DOP1B: variants seen among roughly 807,000 people sequenced by gnomAD.
The protein encoded by DOP1B is DOP1 leucine zipper like protein B.
In DOP1B, 174 loss-of-function variants were observed where a neutral mutation model predicts 233.5. That is an observed-to-expected ratio of 0.75 (90% CI 0.66 to 0.85). The LOEUF (loss-of-function observed/expected upper bound fraction) is 0.85. Ranked by LOEUF, DOP1B falls within the 40% of genes least tolerant of loss-of-function variation. The pLI is 0.00. For missense variants in DOP1B, 2,652 were observed against 2,846.6 expected (o/e 0.93, Z 1.56); for synonymous variants, 1,190 against 1,185.6 (o/e 1.00, Z -0.08).
rs144780107 is a variant in DOP1B, at chr21:36,246,182, G to T, written c.4202G>T (p.Arg1401Leu). 3.6e-5 allele frequency: 58 copies of T among 1,613,668 alleles called. No homozygotes were observed. The African/African-American group carries it at 6.7e-4, about 19-fold the overall frequency. ...GCGTCCATGTACACGAGCCAGAAGC[G>T]CTACGGGCTGGCCACCGCCCACCAC... ...LSASMYTSQK[R>L]YGLATAHHGR... The change falls in exon 19 of 37, where the codon CGC (arginine) becomes CTC (leucine). Residue 1401 changes from arginine to leucine, a missense_variant. Physicochemically the swap from Arg to Leu is moderately radical, Grantham distance 102. Around this residue, in one of 3 missense-constraint regions of DOP1B, gnomAD observed 2,617 missense variants for 2,794.3 expected, o/e 0.94. Coordinates refer to ENST00000691173, the MANE Select transcript of DOP1B (RefSeq NM_001320714.2). The surrounding 1 kb of genome is among the most constrained non-coding windows in gnomAD (Gnocchi z 5.1).
intron 1 of DOP1B, among the ~76,000 whole-genome samples, chr21:36,159,016 C>T (rs868393410): frequency 3.3e-5 from 5 of 151,744 alleles, no homozygotes; most frequent in Non-Finnish European, 5.9e-5. Flanking sequence ...CCTGTAATCC[C>T]AGCTACTCGG....
intron 9 of DOP1B, among the ~76,000 whole-genome samples, chr21:36,214,834 G>A (rs1353794941): frequency 6.6e-6 from 1 of 152,098 alleles, no homozygotes; most frequent in Admixed American, 6.6e-5. Flanking sequence ...AAACCAGCCT[G>A]GGTAATATGG....
chr21:36,228,635 G>A (rs1002766550), intron 13 of DOP1B, among the ~76,000 whole-genome samples: 4 of 149,802 alleles, frequency 2.7e-5, no homozygotes, highest in Admixed American at 2.0e-4. Context: ...GTGCAGTGGC[G>A]GGCGCCTGTA....
chr21:36,226,441 G>A (rs1333925145), intron 12 of DOP1B, among the ~76,000 whole-genome samples: 1 of 151,626 alleles, frequency 6.6e-6, no homozygotes, highest in African/African-American at 2.4e-5. Context: ...GGGATTACAG[G>A]CACCTGCCAC....
At chr21:36,205,555 A>G (rs184275348) in intron 4 of DOP1B, among the ~76,000 whole-genome samples, 1 of 151,716 alleles carries the variant, frequency 6.6e-6, no homozygotes, top group African/African-American at 2.4e-5. Flanking sequence ...TGCCCAGCTA[A>G]TTTTGTATTT....
intron 7 of DOP1B, among the ~76,000 whole-genome samples, chr21:36,213,343 C>T (rs1036476063): frequency 2.6e-5 from 4 of 152,082 alleles, no homozygotes; most frequent in Non-Finnish European, 4.4e-5. Context: ...TTACTTGCGG[C>T]CCCAGGAGCC....
At chr21:36,219,517 C>G in intron 10 of DOP1B, 25 bp downstream of exon 10, 1 of 1,610,860 alleles carries the variant, frequency 6.2e-7, no homozygotes, top group Non-Finnish European at 8.5e-7. Context: ...TTGAACCTCA[C>G]GCATCTCTCT....
chr21:36,178,304 A>G (rs2066054498), intron 2 of DOP1B, among the ~76,000 whole-genome samples: 1 of 152,200 alleles, frequency 6.6e-6, no homozygotes, highest in Non-Finnish European at 1.5e-5. Context: ...CAGCCTGGAC[A>G]ACATGGGGAA....
intron 31 of DOP1B, 90 bp from the exon 32 acceptor site, chr21:36,281,393 G>A (rs1015107614): frequency 5.2e-6 from 7 of 1,347,836 alleles, no homozygotes; most frequent in Non-Finnish European, 6.0e-6. Context: ...TTTCACCAGG[G>A]AATATAGAAT....
intron 27 of DOP1B, among the ~76,000 whole-genome samples, chr21:36,272,887 G>A (rs1290319972): frequency 6.6e-6 from 1 of 150,628 alleles, no homozygotes; most frequent in South Asian, 2.1e-4. Flanking sequence ...CGGAGGCTGA[G>A]GCAGGAGAAT....
intron 23 of DOP1B, among the ~76,000 whole-genome samples, chr21:36,256,588 G>A (rs941475899): frequency 9.2e-5 from 14 of 152,140 alleles, no homozygotes; most frequent in East Asian, 1.9e-4. Flanking sequence ...GTGGGTGTGC[G>A]GATAACAAAG....
At chr21:36,185,593 C>T (rs1217790697) in intron 2 of DOP1B, among the ~76,000 whole-genome samples, 4 of 152,178 alleles carry the variant, frequency 2.6e-5, no homozygotes, top group African/African-American at 7.2e-5. Flanking sequence ...GGTCGGCCAG[C>T]GCCTTGTGAA....
Position 36,200,330 on chromosome 21 carries a change from G to T in DOP1B, c.321-1G>T. 6.3e-7 allele frequency: 1 copy of T among 1,586,304 alleles called. No individual in the cohort carries two copies. Among genetic ancestry groups the T allele is most frequent in the Non-Finnish European group, 8.6e-7 (1 of 1,165,886 alleles). On this transcript the variant is annotated splice_acceptor_variant, in intron 3 of 36. Transcript: ENST00000691173. LOFTEE classifies it high-confidence loss of function. ...CCGCTCCCTCTCGTTCTTTCTCGAA[G>T]CTGCGGGTTATTTCCTCTCCTGGCA...
chr21:36,289,005 T>C, intron 34 of DOP1B, 40 bp from the exon 35 acceptor site: 1 of 1,605,004 alleles, frequency 6.2e-7, no homozygotes, highest in East Asian at 2.2e-5. Flanking sequence ...ATAACAGATC[T>C]GAATGAATTT....
At chr21:36,193,188 C>T (rs947307709) in intron 2 of DOP1B, among the ~76,000 whole-genome samples, 1 of 152,000 alleles carries the variant, frequency 6.6e-6, no homozygotes, top group African/African-American at 2.4e-5. Flanking sequence ...ACCCCTATAA[C>T]GAAAGAGAGA....
intron 2 of DOP1B, among the ~76,000 whole-genome samples, chr21:36,189,577 G>A (rs1366613671): frequency 6.6e-6 from 1 of 151,920 alleles, no homozygotes; most frequent in African/African-American, 2.4e-5. Flanking sequence ...GGGCGTGCTG[G>A]TGCACGCCTG....
At chr21:36,192,629 CCTT>C (rs1214409269) in intron 2 of DOP1B, among the ~76,000 whole-genome samples, 4 of 152,056 alleles carry the variant, frequency 2.6e-5, no homozygotes, top group Middle Eastern at 3.4e-3. Flanking sequence ...AGTGATCTGT[CCTT>C]CTTGGCCTCT....
intron 2 of DOP1B, chr21:36,170,104 C>T (rs899235883): frequency 4.8e-6 from 3 of 619,006 alleles, no homozygotes; most frequent in East Asian, 3.3e-5. Flanking sequence ...CACCTTCCCA[C>T]GTTGCCTATT....
chr21:36,160,396 C>G (rs1010819627), intron 1 of DOP1B, among the ~76,000 whole-genome samples: 1 of 151,142 alleles, frequency 6.6e-6, no homozygotes, highest in African/African-American at 2.4e-5. Context: ...ATGGGTCCGT[C>G]TTGGGGTTGG....
Sources: gnomAD v4.1 joint callset for allele counts (sites outside exome capture counted in the v4.1 genomes callset) on GRCh38, gnomAD v4.1.1 for gene constraint, gnomAD v4.1.1 regional missense constraint, Gnocchi (gnomAD v3.1) non-coding constraint, MANE v1.5 for transcripts, NCBI Gene and HGNC (gene_info 2026-07-23, HGNC 2026-07-21) for gene names.